CDC42SE2: variants seen among roughly 807,000 people sequenced by gnomAD.
CDC42SE2 encodes CDC42 small effector protein 2.
A neutral mutation model predicts 11.5 loss-of-function variants in CDC42SE2; 3 were observed. The observed-to-expected ratio is 0.26, with a 90% CI of 0.12 to 0.67. CDC42SE2 has a LOEUF of 0.67. Among genes scored for constraint, CDC42SE2 ranks in the 30% least tolerant of loss-of-function variants. The pLI is 0.80. For synonymous variants in CDC42SE2, 33 were observed against 34.8 expected, an observed-to-expected ratio of 0.95 and a Z score of 0.18; for missense variants, 82 against 106.8, an observed-to-expected ratio of 0.77 and a Z score of 1.02.
chr5:131,323,492 T>C (rs1758235493), intron 2 of CDC42SE2, among the ~76,000 whole-genome samples: 1 of 150,978 alleles, frequency 6.6e-6, no homozygotes, highest in African/African-American at 2.4e-5. Context: ...TTTCTGTAAC[T>C]TGAAGTGCAT....
At chr5:131,294,713 C>G (rs368225191) in intron 1 of CDC42SE2, among the ~76,000 whole-genome samples, 1 of 152,144 alleles carries the variant, frequency 6.6e-6, no homozygotes, top group Non-Finnish European at 1.5e-5. Context: ...AGTACATGGC[C>G]GGGCGTGGTG....
At chr5:131,328,963 C>G (rs960163363) in intron 2 of CDC42SE2, among the ~76,000 whole-genome samples, 3 of 152,204 alleles carry the variant, frequency 2.0e-5, no homozygotes, top group South Asian at 4.1e-4. Flanking sequence ...GAGGTTATCT[C>G]CTTAGATTAT....
chr5:131,390,918 A>G, intron 4 of CDC42SE2, 75 bp from the exon 5 acceptor site: 1 of 817,806 alleles, frequency 1.2e-6, no homozygotes, highest in Non-Finnish European at 1.8e-6. Flanking sequence ...AAATTCTGGG[A>G]AAAGAATTAC....
At chr5:131,374,703 TATAAAC>T (rs1200694254) in intron 3 of CDC42SE2, among the ~76,000 whole-genome samples, 3 of 152,170 alleles carry the variant, frequency 2.0e-5, no homozygotes, top group African/African-American at 7.2e-5. Context: ...ATAGAGTTAA[TATAAAC>T]ACTTGATTTT....
intron 2 of CDC42SE2, among the ~76,000 whole-genome samples, chr5:131,339,561 C>T (rs1758660255): frequency 6.6e-6 from 1 of 152,048 alleles, no homozygotes; most frequent in South Asian, 2.1e-4. Context: ...AATCCCAGGA[C>T]TTTGGGAGGC....
intron 1 of CDC42SE2, among the ~76,000 whole-genome samples, chr5:131,308,186 A>G (rs1043837107): frequency 3.9e-5 from 6 of 152,166 alleles, no homozygotes; most frequent in Non-Finnish European, 7.3e-5. Context: ...TCCCAGCACC[A>G]TTTATTAAAT....
At chr5:131,304,370 T>C (rs141818845) in intron 1 of CDC42SE2, among the ~76,000 whole-genome samples, 7 of 152,238 alleles carry the variant, frequency 4.6e-5, no homozygotes, top group African/African-American at 1.4e-4. Flanking sequence ...TAGATAGGGA[T>C]AGAGGTGGCA....
chr5:131,291,234 AT>A (rs999277355), intron 1 of CDC42SE2, among the ~76,000 whole-genome samples: 4 of 150,602 alleles, frequency 2.7e-5, no homozygotes, highest in South Asian at 2.1e-4. Context: ...TATGTATATG[AT>A]TTTTTTTTTA....
chr5:131,264,526 G>A (rs1230832904), intron 1 of CDC42SE2, among the ~76,000 whole-genome samples: 3 of 151,464 alleles, frequency 2.0e-5, no homozygotes, highest in African/African-American at 7.3e-5. Flanking sequence ...ACGTCTGGAA[G>A]TCGGGAGGGT....
intron 1 of CDC42SE2, among the ~76,000 whole-genome samples, chr5:131,266,560 A>G (rs1756871001): frequency 6.7e-6 from 1 of 148,438 alleles, no homozygotes; most frequent in Non-Finnish European, 1.5e-5. Flanking sequence ...TTGGGGCTCG[A>G]GCTATTCTCA....
rs951243310 is a variant in CDC42SE2 at position 131,385,701 on chromosome 5, T to C, written c.156+57T>C. ...CATTGGGGCATAGTCATATGAAACCTGTGTGACAGGCACAAGCATTTTTAA... is the reference window on the plus strand; with the variant it reads ...CATTGGGGCATAGTCATATGAAACCCGTGTGACAGGCACAAGCATTTTTAA... On this transcript the variant is annotated intron_variant, in intron 4 of 4. Transcript: ENST00000505065. 7 of 1,039,476 alleles carry C rather than the reference T, an allele frequency of 6.7e-6. No homozygotes were observed. In the Admixed American group the frequency reaches 9.9e-5, roughly 15 times the overall value. 64.4% of individuals were successfully genotyped at this position (1,039,476 alleles called of 1,614,324 possible). A position where few individuals can be genotyped will look rare whatever the true frequency, so the allele number is the denominator to read the frequency against.
chr5:131,310,831 G>T (rs889566639), intron 1 of CDC42SE2, among the ~76,000 whole-genome samples: 2 of 151,980 alleles, frequency 1.3e-5, no homozygotes, highest in East Asian at 1.9e-4. Flanking sequence ...TTGAGCGTAT[G>T]TGTGTCTCTG....
At chr5:131,259,810 T>C (rs1400539262), upstream of CDC42SE2, among the ~76,000 whole-genome samples, 1 of 152,272 alleles carries the variant, frequency 6.6e-6, no homozygotes, top group Admixed American at 6.5e-5. Context: ...GTCATTCAAC[T>C]GTAAAGCTGT....
chr5:131,236,469 C>G, the CDC42SE2 span, among the ~76,000 whole-genome samples: 1 of 152,082 alleles, frequency 6.6e-6, no homozygotes, highest in Admixed American at 6.6e-5. Context: ...CTCTGTCGCC[C>G]AGGCTGGAGT....
At chr5:131,264,585 C>A (rs1756816115) in intron 1 of CDC42SE2, among the ~76,000 whole-genome samples, 1 of 151,934 alleles carries the variant, frequency 6.6e-6, no homozygotes, top group Non-Finnish European at 1.5e-5. Flanking sequence ...GTGAGGGTTT[C>A]GGGGAGCAAA....
chr5:131,284,674 C>G (rs1757305487), intron 1 of CDC42SE2, among the ~76,000 whole-genome samples: 1 of 152,048 alleles, frequency 6.6e-6, no homozygotes, highest in Non-Finnish European at 1.5e-5. Context: ...GGGTCTTGCT[C>G]TGTTGCCCAG....
chr5:131,353,094 TAG>T lies in CDC42SE2; in HGVS notation c.-285-6114_-285-6113del, dbSNP rs1257632795. Among the ~76,000 whole-genome samples, 3 of 152,074 alleles carry T rather than the reference TAG, an allele frequency of 2.0e-5. No individual in the cohort carries two copies. The East Asian group carries it at 5.8e-4, about 29-fold the overall frequency. Reference sequence around the variant, plus strand: ...GATCCTCCAAACTCAGCCTTCCAAGTAGCTGATACCACAAGTGCTTGCCACCA... The same window carrying T: ...GATCCTCCAAACTCAGCCTTCCAAGTCTGATACCACAAGTGCTTGCCACCA... On this transcript the variant is annotated intron_variant, in intron 2 of 4. Transcript: ENST00000505065.
chr5:131,301,121 A>G (rs1242128979), intron 1 of CDC42SE2, among the ~76,000 whole-genome samples: 1 of 152,162 alleles, frequency 6.6e-6, no homozygotes, highest in Non-Finnish European at 1.5e-5. Context: ...TAAATACTGT[A>G]TTGTACACTA....
chr5:131,336,225 T>C (rs1310301001), intron 2 of CDC42SE2, among the ~76,000 whole-genome samples: 3 of 152,230 alleles, frequency 2.0e-5, no homozygotes, highest in Non-Finnish European at 4.4e-5. Flanking sequence ...CCTTCACTTA[T>C]GAAGCTTAGT....
Sources: gnomAD v4.1 joint callset for allele counts (sites outside exome capture counted in the v4.1 genomes callset) on GRCh38, gnomAD v4.1.1 for gene constraint, MANE v1.5 for transcripts, NCBI Gene and HGNC (gene_info 2026-07-23, HGNC 2026-07-21) for gene names.